Variants in SYNE2 observed in about 807,000 individuals in gnomAD.
SYNE2 encodes spectrin repeat containing nuclear envelope protein 2.
In SYNE2, 431 loss-of-function variants were observed where a neutral mutation model predicts 856.3. The ratio of observed to expected loss-of-function variants is 0.50; its 90% CI spans 0.47 to 0.55. SYNE2 has a LOEUF of 0.55. Ranked by LOEUF, SYNE2 falls within the 20% of genes least tolerant of loss-of-function variation. The pLI, the probability that SYNE2 is intolerant of heterozygous loss-of-function variation, is 0.00. For synonymous variants in SYNE2, 2,923 were observed against 2,872.3 expected (o/e 1.02, Z -0.56); for missense variants, 8,129 against 8,023.2 (o/e 1.01, Z -0.50).
chr14:64,188,950 A>T (rs1417901854), intron 98 of SYNE2: 9 of 703,340 alleles, frequency 1.3e-5, no homozygotes, highest in Non-Finnish European at 2.3e-5. Flanking sequence ...CTTTCTCTCC[A>T]TTAGAAAGTT....
intron 49 of SYNE2, among the ~76,000 whole-genome samples, chr14:64,057,846 T>C (rs1027537228): frequency 1.6e-4 from 24 of 152,266 alleles, no homozygotes; most frequent in Non-Finnish European, 2.8e-4. Context: ...ATTGTAGTTT[T>C]GATTTGCATT....
intron 14 of SYNE2, among the ~76,000 whole-genome samples, chr14:63,979,312 C>T (rs2096568283): frequency 6.6e-6 from 1 of 152,164 alleles, no homozygotes; most frequent in South Asian, 2.1e-4. Flanking sequence ...AAAAATTCCG[C>T]TTTCACTTAC....
At chr14:64,213,238 C>A (rs575167714) in intron 105 of SYNE2, among the ~76,000 whole-genome samples, 3 of 152,356 alleles carry the variant, frequency 2.0e-5, no homozygotes, top group African/African-American at 7.2e-5. Context: ...GAGGCGCATG[C>A]TCCACGAGTC....
intron 10 of SYNE2, among the ~76,000 whole-genome samples, chr14:63,967,454 C>T (rs1285050702): frequency 1.3e-5 from 2 of 152,168 alleles, no homozygotes; most frequent in African/African-American, 4.8e-5. Flanking sequence ...GCCCAGTGAC[C>T]TTGCTGCTCC....
At chr14:64,172,830 GGCT>G (rs978040646) in intron 94 of SYNE2, among the ~76,000 whole-genome samples, 1 of 152,068 alleles carries the variant, frequency 6.6e-6, no homozygotes, top group Non-Finnish European at 1.5e-5. Context: ...CTGCTCAGGA[GGCT>G]GAGGCAGGAG....
rs1594835786 is a variant in SYNE2 at position 64,009,889 on chromosome 14, T to C, written c.4578-77T>C. ...TCCTTTACACCTTATTCATCATTTA[T>C]GTGGGATACTTGCAAAGAGAAAGAA... On this transcript the variant is annotated intron_variant, in intron 31 of 115. Transcript: ENST00000555002. 24 of 1,297,620 alleles carry C rather than the reference T, an allele frequency of 1.8e-5. No homozygotes were observed. The East Asian group carries it at 5.1e-4, about 28-fold the overall frequency. The allele number at this position is 1,297,620 out of a possible 1,614,324, so 80.4% of individuals were successfully genotyped here. A position where few individuals can be genotyped will look rare whatever the true frequency, so the allele number is the denominator to read the frequency against.
intron 1 of SYNE2, among the ~76,000 whole-genome samples, chr14:63,789,154 G>T (rs1887642787): frequency 1.3e-5 from 2 of 152,116 alleles, no homozygotes; most frequent in Admixed American, 6.5e-5. Flanking sequence ...CCTTTCAAGA[G>T]GTTCTGATGC....
intron 1 of SYNE2, among the ~76,000 whole-genome samples, chr14:63,869,404 C>T (rs1438539989): frequency 6.6e-6 from 1 of 151,934 alleles, no homozygotes; most frequent in Non-Finnish European, 1.5e-5. Context: ...GGTGGATCTC[C>T]TGAAGTCAGG....
At chr14:64,059,801 G>C (rs1595212741) in intron 49 of SYNE2, among the ~76,000 whole-genome samples, 2 of 152,216 alleles carry the variant, frequency 1.3e-5, no homozygotes, top group African/African-American at 4.8e-5. Flanking sequence ...CAGATATGCT[G>C]TCTGGGAGCC....
chr14:64,104,416 G>A (rs1174795849), intron 64 of SYNE2, among the ~76,000 whole-genome samples: 2 of 140,658 alleles, frequency 1.4e-5, no homozygotes, highest in Non-Finnish European at 3.1e-5. Flanking sequence ...TTCCCCCAAT[G>A]TTCTGTCCTC....
intron 82 of SYNE2, among the ~76,000 whole-genome samples, chr14:64,142,651 C>T (rs932877174): frequency 1.3e-5 from 2 of 152,150 alleles, no homozygotes; most frequent in African/African-American, 2.4e-5. Context: ...ATTTGCCTGT[C>T]TCCCCACCTT....
intron 113 of SYNE2, among the ~76,000 whole-genome samples, chr14:64,223,840 C>T (rs543415270): frequency 6.6e-6 from 1 of 152,194 alleles, no homozygotes; most frequent in Admixed American, 6.5e-5. Flanking sequence ...CCTAAGCAGC[C>T]AAAACTAGAC....
intron 64 of SYNE2, among the ~76,000 whole-genome samples, chr14:64,105,957 G>A (rs751383296): frequency 3.3e-5 from 5 of 151,770 alleles, no homozygotes; most frequent in Non-Finnish European, 5.9e-5. Context: ...GATTGAGGTG[G>A]GAGGATCACT....
intron 43 of SYNE2, among the ~76,000 whole-genome samples, chr14:64,028,452 G>A (rs1244649208): frequency 6.6e-6 from 1 of 151,784 alleles, no homozygotes; most frequent in Non-Finnish European, 1.5e-5. Context: ...ATAAGGTCTC[G>A]CTTTGTTGCC....
chr14:64,072,551 G>A (rs968473407), intron 52 of SYNE2, among the ~76,000 whole-genome samples: 6 of 151,498 alleles, frequency 4.0e-5, no homozygotes, highest in Admixed American at 2.0e-4. Flanking sequence ...CTAGGCTGGA[G>A]TACAATAGCA....
chr14:64,015,377 A>G lies in SYNE2; in HGVS notation c.4729-1096A>G, dbSNP rs140757291. On this transcript the variant is annotated intron_variant, in intron 32 of 115. Transcript: ENST00000555002. ...TATTCATTCAATTTCTTTAGTATTA[A>G]TAGGGCAATTCCCATTATGTATTTA... Among the ~76,000 whole-genome samples, 14 of 152,136 alleles carry G rather than the reference A, an allele frequency of 9.2e-5. 1 individual carries two copies. Among genetic ancestry groups the G allele is most frequent in the African/African-American group, 3.1e-4 (13 of 41,542 alleles).
intron 18 of SYNE2, among the ~76,000 whole-genome samples, chr14:63,985,463 G>T (rs2096618463): frequency 6.6e-6 from 1 of 151,896 alleles, no homozygotes; most frequent in African/African-American, 2.4e-5. Flanking sequence ...GATTATTAAT[G>T]GGAAAAAGAT....
At chr14:64,129,033 G>T (rs544650329) in intron 74 of SYNE2, among the ~76,000 whole-genome samples, 2 of 152,318 alleles carry the variant, frequency 1.3e-5, no homozygotes, top group Admixed American at 1.3e-4. Flanking sequence ...TTTTGGCCAG[G>T]TTGGTGGCTC....
intron 99 of SYNE2, among the ~76,000 whole-genome samples, chr14:64,193,634 T>C (rs1253164975): frequency 6.6e-6 from 1 of 152,160 alleles, no homozygotes; most frequent in East Asian, 1.9e-4. Flanking sequence ...AACTTCAAGG[T>C]TAAGAATGGT....
Sources: gnomAD v4.1 joint callset for allele counts (sites outside exome capture counted in the v4.1 genomes callset) on GRCh38, gnomAD v4.1.1 for gene constraint, MANE v1.5 for transcripts, NCBI Gene and HGNC (gene_info 2026-07-23, HGNC 2026-07-21) for gene names.